PAX9: variants seen among roughly 807,000 people sequenced by gnomAD.
PAX9 encodes paired box 9, also known as paired box protein Pax-9.
Under a neutral mutation model 29.1 loss-of-function variants are expected in PAX9, and 6 were observed. That is an observed-to-expected ratio of 0.21 (90% confidence interval 0.11 to 0.41). The LOEUF is 0.41. Among genes scored for constraint, PAX9 ranks in the 10% least tolerant of loss-of-function variants. The pLI, the probability that PAX9 is intolerant of heterozygous loss-of-function variation, is 1.00. For synonymous variants in PAX9, 217 were observed against 211.7 expected (o/e 1.03, Z -0.22); for missense variants, 443 against 479.1 (o/e 0.92, Z 0.70).
chr14:36,670,743 T>C (rs1881667985), intron 3 of PAX9, among the ~76,000 whole-genome samples: 1 of 152,076 alleles, frequency 6.6e-6, no homozygotes, highest in Non-Finnish European at 1.5e-5. Flanking sequence ...ATGTATTGTA[T>C]AAAATAGCAG....
Position 36,678,678 on chromosome 14 carries a change from G to T in PAX9, c.*2226G>T. On this transcript the variant is annotated 3_prime_UTR_variant, in exon 4 of 4. Coordinates refer to ENST00000361487, the MANE Select transcript of PAX9 (RefSeq NM_001372076.1). ...TTTAAAAAATATTACTTGCTTGTGT[G>T]GAAATGCAAATAATGTTATTTTCTT... 8.0e-7 allele frequency: 1 copy of T among 1,253,038 alleles called. No individual in the cohort carries two copies. The highest frequency in any genetic ancestry group is 1.5e-5 in the African/African-American group (1 of 65,408). 77.6% of individuals were successfully genotyped at this position (1,253,038 alleles called of 1,614,324 possible).
At chr14:36,673,710 A>G (rs1179251955) in intron 3 of PAX9, among the ~76,000 whole-genome samples, 1 of 152,218 alleles carries the variant, frequency 6.6e-6, no homozygotes, top group Non-Finnish European at 1.5e-5. Context: ...ACAAAGAAAA[A>G]AGAATGGGTA....
At chr14:36,661,662 G>C (rs1881270224), upstream of PAX9, 1 of 247,710 alleles carries the variant, frequency 4.0e-6, no homozygotes, top group African/African-American at 2.3e-5. Flanking sequence ...GCCGCTTCTG[G>C]GAAGATGTCA....
chr14:36,666,678 C>T (rs1881507375), intron 3 of PAX9, 77 bp downstream of exon 3: 2 of 1,508,710 alleles, frequency 1.3e-6, no homozygotes, highest in African/African-American at 1.4e-5. Context: ...GTGATGGGTC[C>T]CTTTCTGAGC....
At chr14:36,659,980 C>A (rs1281149211), upstream of PAX9, among the ~76,000 whole-genome samples, 1 of 152,148 alleles carries the variant, frequency 6.6e-6, no homozygotes, top group African/African-American at 2.4e-5. Context: ...CTGCAGACTG[C>A]AAATTTTCCC....
In PAX9 at chr14:36,676,647, T is replaced by C. The variant is rs770675967; in HGVS notation, c.*195T>C. Reference sequence around the variant, plus strand: ...CATAACTTTTCTCTTGCAGAAAAACTGACATGACTTTAGGATTTAAAAACA... The same window carrying C: ...CATAACTTTTCTCTTGCAGAAAAACCGACATGACTTTAGGATTTAAAAACA... On this transcript the variant is annotated 3_prime_UTR_variant, in exon 4 of 4. Transcript: ENST00000361487. The C allele has an allele frequency of 1.5e-6, 1 of 652,220 alleles. No individual in the cohort carries two copies. Among genetic ancestry groups the C allele is most frequent in the Admixed American group, 2.4e-5 (1 of 41,360 alleles). The allele number at this position is 652,220 out of a possible 1,614,324, so 40.4% of individuals were successfully genotyped here. A position where few individuals can be genotyped will look rare whatever the true frequency, so the allele number is the denominator to read the frequency against.
At chr14:36,674,801 T>C (rs1045013395) in intron 3 of PAX9, among the ~76,000 whole-genome samples, 2 of 152,358 alleles carry the variant, frequency 1.3e-5, no homozygotes, top group East Asian at 3.9e-4. Context: ...TGTTTGTTCT[T>C]ACAGAGCATA....
intron 2 of PAX9, chr14:36,666,190 C>A (rs1038645676): frequency 2.8e-5 from 14 of 505,906 alleles, no homozygotes; most frequent in African/African-American, 7.6e-5. Context: ...GAAGGGAAAT[C>A]AAAAACCGGT....
In PAX9 at chr14:36,663,566, C is replaced by T. The variant is rs1377156025; in HGVS notation, c.631+43C>T. 7 of 1,610,258 alleles carry T rather than the reference C, an allele frequency of 4.3e-6. No homozygotes were observed. In the East Asian group the frequency reaches 1.3e-4, roughly 31 times the overall value. ...GGGCGTGTGGATGTGCAGCGTCTGC[C>T]CCCGCACTCTCGCGGAGGTCCCAGT... On this transcript the variant is annotated intron_variant, in intron 2 of 3. Coordinates refer to ENST00000361487, the MANE Select transcript of PAX9 (RefSeq NM_001372076.1).
In PAX9 at chr14:36,663,397, G is replaced by A; in HGVS notation, c.505G>A (p.Ala169Thr). 6.2e-7 allele frequency: 1 copy of A among 1,613,348 alleles called. No homozygotes were observed. Residue 169 changes from alanine to threonine, a missense_variant, in exon 2 of 4, where the codon GCG becomes ACG. Physicochemically the swap from Ala to Thr is moderately conservative, Grantham distance 58. Transcript: ENST00000361487. ...IYSYPSPITA[A>T]AAKVPTPPGV... ...CTCGTACCCCAGCCCTATCACGGCGGCGGCCGCCAAGGTGCCCACGCCACC... is the reference window on the plus strand; with the variant it reads ...CTCGTACCCCAGCCCTATCACGGCGACGGCCGCCAAGGTGCCCACGCCACC...
At chr14:36,667,400 G>A (rs1240706759) in intron 3 of PAX9, among the ~76,000 whole-genome samples, 1 of 150,556 alleles carries the variant, frequency 6.6e-6, no homozygotes, top group African/African-American at 2.5e-5. Flanking sequence ...ATTCATCACC[G>A]TCCTGGAGTC....
intron 2 of PAX9, 53 bp from the exon 3 acceptor site, chr14:36,666,409 G>C: frequency 6.3e-7 from 1 of 1,589,278 alleles, no homozygotes; most frequent in Non-Finnish European, 8.6e-7. Flanking sequence ...CGTCTCAAGA[G>C]TGGGGCGCGC....
intron 3 of PAX9, chr14:36,671,156 T>G: frequency 2.6e-6 from 1 of 385,764 alleles, no homozygotes; most frequent in Admixed American, 3.4e-5. Flanking sequence ...AAATTCATTT[T>G]ATCATAAGAG....
Position 36,666,621 on chromosome 14 carries a change from G to T in PAX9, c.771+20G>T, listed in dbSNP as rs373064539. On this transcript the variant is annotated intron_variant, in intron 3 of 3. Transcript: ENST00000361487. ...GGTCAGGTGAGGAGGCGAGGGTCAG[G>T]CCAGGTGGGCCGCGTGGCGGCGGGG... 529 of 1,556,640 alleles carry T rather than the reference G, an allele frequency of 3.4e-4. 1 individual carries two copies. The highest frequency in any genetic ancestry group is 7.2e-4 in the Admixed American group (37 of 51,408).
Position 36,666,394 on chromosome 14 carries a change from G to C in PAX9, c.632-68G>C. 1.9e-6 allele frequency: 3 copies of C among 1,567,024 alleles called. No homozygotes were observed. In the East Asian group the frequency reaches 7.1e-5, roughly 37 times the overall value. On this transcript the variant is annotated intron_variant, in intron 2 of 3. Transcript: ENST00000361487. ...CCTCCAGCTCTCCGTCGCGGGTTTG[G>C]GTCCCGTCTCAAGAGTGGGGCGCGC...
At position 36,662,085 on chromosome 14, in the gene PAX9, G is replaced by A; in HGVS notation, c.-5G>A. Reference sequence around the variant, plus strand: ...TGGGGCCGGGTTGGTGTACTGCTCGGAGCAATGGGTGAGTGGCGGCGGGGG... The same window carrying A: ...TGGGGCCGGGTTGGTGTACTGCTCGAAGCAATGGGTGAGTGGCGGCGGGGG... On this transcript the variant is annotated 5_prime_UTR_variant, in exon 1 of 4. Transcript: ENST00000361487. 6.6e-7 allele frequency: 1 copy of A among 1,513,610 alleles called. No individual in the cohort carries two copies. The highest frequency in any genetic ancestry group is 8.9e-7 in the Non-Finnish European group (1 of 1,125,342). The allele number at this position is 1,513,610 out of a possible 1,614,324, so 93.8% of individuals were successfully genotyped here.
chr14:36,664,954 G>A lies in PAX9; in HGVS notation c.631+1431G>A, dbSNP rs191377764. Among the ~76,000 whole-genome samples, 81 of 152,228 alleles carry A rather than the reference G, an allele frequency of 5.3e-4. 1 individual carries two copies. Among genetic ancestry groups the A allele is most frequent in the African/African-American group, 1.9e-3 (78 of 41,556 alleles). On this transcript the variant is annotated intron_variant, in intron 2 of 3. Coordinates refer to ENST00000361487, the MANE Select transcript of PAX9 (RefSeq NM_001372076.1). ...TAAACTGACCTCACTGACATTTAAA[G>A]GAAGCCCCTGTTCATGGGAAAGTGT...
intron 2 of PAX9, 112 bp downstream of exon 2, chr14:36,663,635 T>G: frequency 2.2e-6 from 3 of 1,394,252 alleles, no homozygotes; most frequent in Non-Finnish European, 3.0e-6. Flanking sequence ...ACCTGAGGCT[T>G]TTTCCTTTGG....
chr14:36,672,272 A>C (rs1035010385), intron 3 of PAX9, among the ~76,000 whole-genome samples: 7 of 152,180 alleles, frequency 4.6e-5, no homozygotes, highest in Non-Finnish European at 1.0e-4. Flanking sequence ...TGCTCCCACT[A>C]TATTTATAGT....
Sources: gnomAD v4.1 joint callset for allele counts (sites outside exome capture counted in the v4.1 genomes callset) on GRCh38, gnomAD v4.1.1 for gene constraint, MANE v1.5 for transcripts, NCBI Gene and HGNC (gene_info 2026-07-23, HGNC 2026-07-21) for gene names.